The following ANK1 variants were observed in gnomAD, a reference collection of about 807,000 sequenced individuals.
The protein encoded by ANK1 is ankyrin 1, also known as ankyrin-1.
Under a neutral mutation model 210.4 loss-of-function variants are expected in ANK1, and 51 were observed. The observed-to-expected ratio is 0.24, with a 90% CI of 0.19 to 0.31. The LOEUF (loss-of-function observed/expected upper bound fraction) is 0.31, where lower values mean the gene tolerates loss of function less well. Among genes scored for constraint, ANK1 ranks in the 10% least tolerant of loss-of-function variants. The pLI is 1.00. For synonymous variants in ANK1, 967 were observed against 1,025.9 expected, an observed-to-expected ratio of 0.94 and a Z score of 1.10; for missense variants, 2,051 against 2,504.4, an observed-to-expected ratio of 0.82 and a Z score of 3.86.
chr8:41,798,581 C>T (rs78863300), upstream of ANK1, among the ~76,000 whole-genome samples: 150 of 152,324 alleles, frequency 9.8e-4, 2 homozygotes, highest in East Asian at 0.027. Flanking sequence ...TGTCATCTGC[C>T]CAGAATGGCT....
intron 1 of ANK1, among the ~76,000 whole-genome samples, chr8:41,788,144 G>A (rs1473623052): frequency 6.6e-6 from 1 of 152,182 alleles, no homozygotes; most frequent in Non-Finnish European, 1.5e-5. Context: ...GCTATGGGGC[G>A]TGCATGATTC....
chr8:41,767,097 G>T (rs552916671), intron 1 of ANK1, among the ~76,000 whole-genome samples: 1 of 152,208 alleles, frequency 6.6e-6, no homozygotes, highest in East Asian at 1.9e-4. Flanking sequence ...CCCAACCCCG[G>T]CTCCAGCCCC....
chr8:41,699,606 T>A, intron 22 of ANK1, 58 bp from the exon 23 acceptor site: 1 of 1,543,604 alleles, frequency 6.5e-7, no homozygotes, highest in Non-Finnish European at 8.9e-7. Flanking sequence ...TCCCTCTTTT[T>A]TTAAAAAAGC....
In ANK1 at chr8:41,722,918, G is replaced by C. The variant is rs572625005; in HGVS notation, c.909+207C>G. 1.3e-5 allele frequency among the ~76,000 whole-genome samples: 2 copies of C among 152,316 alleles called. 1 individual carries two copies. The highest frequency in any genetic ancestry group is 2.9e-5 in the Non-Finnish European group (2 of 68,030). On this transcript the variant is annotated intron_variant, in intron 9 of 42. Transcript: ENST00000289734. ...AAATTGTCTCATACCTGGTCCTTTA[G>C]ATAAAAAGTTTGCCGACCCTGATCT...
chr8:41,716,845 T>C lies in ANK1; in HGVS notation c.1404+108A>G. The C allele has an allele frequency of 2.6e-6, 3 of 1,132,138 alleles. No individual in the cohort carries two copies. In the South Asian group the frequency reaches 3.7e-5, roughly 14 times the overall value. The allele number at this position is 1,132,138 out of a possible 1,614,324, so 70.1% of individuals were successfully genotyped here. ...GTGACCTGATCAGGATGAAAAGTGA[T>C]CCCCAGGCCACAGCACTGCAGCCCC... is the stretch of plus-strand genomic sequence containing the variant. On this transcript the variant is annotated intron_variant, in intron 13 of 42. Coordinates refer to ENST00000289734, the MANE Select transcript of ANK1 (RefSeq NM_000037.4).
chr8:41,763,889 C>T (rs13265364), intron 1 of ANK1, among the ~76,000 whole-genome samples: 6,395 of 58,864 alleles, frequency 0.11, 716 homozygotes, highest in Non-Finnish European at 0.13. Context: ...TTCTTTTTTT[C>T]TTTTTTTTTT....
At chr8:41,786,171 G>C (rs1174567377) in intron 1 of ANK1, among the ~76,000 whole-genome samples, 1 of 152,194 alleles carries the variant, frequency 6.6e-6, no homozygotes. Flanking sequence ...ATGCTTTTCA[G>C]AGCAGCCACC....
chr8:41,888,504 C>T (rs1312125225), intron 1 of ANK1, among the ~76,000 whole-genome samples: 2 of 152,232 alleles, frequency 1.3e-5, no homozygotes, highest in Non-Finnish European at 2.9e-5. Context: ...ATCGTATCAT[C>T]TCCGTGTCCG....
intron 1 of ANK1, among the ~76,000 whole-genome samples, chr8:41,778,826 G>A (rs1445436378): frequency 1.3e-5 from 2 of 152,240 alleles, no homozygotes; most frequent in African/African-American, 2.4e-5. Context: ...AAAATTATGT[G>A]TGTGCCTGTG....
At chr8:41,735,527 G>C (rs914547987) in intron 2 of ANK1, among the ~76,000 whole-genome samples, 2 of 152,092 alleles carry the variant, frequency 1.3e-5, no homozygotes, top group African/African-American at 4.8e-5. Context: ...CCACCTAGAC[G>C]GAGGGCTTGG....
chr8:41,889,869 T>C (rs1464055152), intron 1 of ANK1, among the ~76,000 whole-genome samples: 1 of 152,224 alleles, frequency 6.6e-6, no homozygotes, highest in African/African-American at 2.4e-5. Context: ...CACCTGGAAG[T>C]TATTGACGAA....
intron 2 of ANK1, among the ~76,000 whole-genome samples, chr8:41,736,520 G>T (rs1833456162): frequency 6.6e-6 from 1 of 152,232 alleles, no homozygotes; most frequent in Admixed American, 6.5e-5. Context: ...CTGTCGGCAT[G>T]GCTGGAGTGA....
intron 39 of ANK1, among the ~76,000 whole-genome samples, chr8:41,666,272 C>G (rs746258521): frequency 6.6e-6 from 1 of 152,190 alleles, no homozygotes; most frequent in African/African-American, 2.4e-5. Flanking sequence ...ATGTGGATTT[C>G]GCATTAATTC....
chr8:41,672,990 G>T, intron 37 of ANK1, 78 bp from the exon 38 acceptor site: 2 of 1,382,790 alleles, frequency 1.4e-6, no homozygotes, highest in South Asian at 1.2e-5. Flanking sequence ...CCACGCACAC[G>T]CACGAACACA....
intron 1 of ANK1, among the ~76,000 whole-genome samples, chr8:41,762,483 CT>C (rs999294842): frequency 1.3e-5 from 2 of 152,298 alleles, no homozygotes; most frequent in Non-Finnish European, 2.9e-5. Context: ...TCTTCTATCT[CT>C]TTTGAATCCT....
At chr8:41,824,275 A>G (rs1180813911) in intron 1 of ANK1, among the ~76,000 whole-genome samples, 2 of 152,052 alleles carry the variant, frequency 1.3e-5, no homozygotes, top group African/African-American at 2.4e-5. Context: ...CTTTTTCAGT[A>G]TTTTTAAACT....
chr8:41,691,729 C>G (rs1178059336), intron 31 of ANK1, among the ~76,000 whole-genome samples: 1 of 152,222 alleles, frequency 6.6e-6, no homozygotes, highest in Non-Finnish European at 1.5e-5. Context: ...ATCTCCACCA[C>G]TCACTTAGCT....
chr8:41,716,993 T>C lies in ANK1; in HGVS notation c.1364A>G (p.Tyr455Cys). 6.2e-7 allele frequency: 1 copy of C among 1,614,206 alleles called. No homozygotes were observed. The highest frequency in any genetic ancestry group is 8.5e-7 in the Non-Finnish European group (1 of 1,180,040). The change falls in exon 13 of 43, where the codon TAT (tyrosine) becomes TGT (cysteine). Residue 455 changes from tyrosine to cysteine, a missense_variant. By Grantham distance (194) the Tyr-to-Cys change is radical. Around this residue, in one of 6 missense-constraint regions of ANK1, gnomAD observed 1,413 missense variants for 1,707.4 expected, o/e 0.83. Transcript: ENST00000289734. Reference protein sequence around the residue: ...ARAGHTEVAKYLLQNKAKVNA... With the variant: ...ARAGHTEVAKCLLQNKAKVNA... ...GACTTTGGCTTTGTTCTGGAGTAAA[T>C]ATTTGGCCACTTCCGTGTGCCCGGC...
chr8:41,844,492 C>T (rs1809630213), intron 1 of ANK1, among the ~76,000 whole-genome samples: 1 of 152,122 alleles, frequency 6.6e-6, no homozygotes, highest in Non-Finnish European at 1.5e-5. Context: ...ACACCCCTCC[C>T]CGCAACTGAT....
Sources: allele counts gnomAD v4.1 joint callset (sites outside exome capture counted in the v4.1 genomes callset), GRCh38; gene constraint gnomAD v4.1.1; regional missense constraint gnomAD v4.1.1; transcripts MANE v1.5; gene names NCBI Gene and HGNC (gene_info 2026-07-23, HGNC 2026-07-21).